Variants in TSC22D1 observed in about 807,000 individuals in gnomAD.
The protein encoded by TSC22D1 is TSC22 domain family protein 1.
TSC22D1 carries 9 observed loss-of-function variants against 74.2 expected under a neutral mutation model. The ratio of observed to expected loss-of-function variants is 0.12; its 90% confidence interval spans 0.07 to 0.21. The LOEUF is 0.21. Ranked by LOEUF, TSC22D1 falls within the 10% of genes least tolerant of loss-of-function variation. The pLI is 1.00. For missense variants in TSC22D1, 1,427 were observed against 1,304.7 expected (o/e 1.09, Z -1.44); for synonymous variants, 586 against 492.5 (o/e 1.19, Z -2.51).
intron 1 of TSC22D1, among the ~76,000 whole-genome samples, chr13:44,514,934 T>C (rs1055671676): frequency 2.0e-5 from 3 of 152,120 alleles, no homozygotes; most frequent in Admixed American, 6.5e-5. Flanking sequence ...TACTCTGAGA[T>C]ACAGTATTAA....
intron 1 of TSC22D1, among the ~76,000 whole-genome samples, chr13:44,556,792 C>T (rs1882669929): frequency 6.6e-6 from 1 of 151,416 alleles, no homozygotes; most frequent in South Asian, 2.1e-4. Context: ...TTTAAACCCA[C>T]AAGGCGGAGG....
intron 1 of TSC22D1, among the ~76,000 whole-genome samples, chr13:44,459,270 G>A (rs887503192): frequency 3.3e-5 from 5 of 152,152 alleles, no homozygotes; most frequent in African/African-American, 1.2e-4. Context: ...ACCTGCCTGT[G>A]GAAAGGAGCT....
At chr13:44,455,976 G>A (rs1356185921) in intron 1 of TSC22D1, among the ~76,000 whole-genome samples, 4 of 152,174 alleles carry the variant, frequency 2.6e-5, no homozygotes, top group African/African-American at 9.7e-5. Context: ...ATGCAGTAAA[G>A]AACTCAATAC....
At chr13:44,480,953 A>G (rs1214676918) in intron 1 of TSC22D1, among the ~76,000 whole-genome samples, 2 of 152,170 alleles carry the variant, frequency 1.3e-5, no homozygotes, top group Non-Finnish European at 2.9e-5. Context: ...CCACAGATAA[A>G]TTGGGTCGCT....
At chr13:44,442,016 A>G (rs1351484459) in intron 1 of TSC22D1, among the ~76,000 whole-genome samples, 2 of 152,304 alleles carry the variant, frequency 1.3e-5, no homozygotes, top group African/African-American at 4.8e-5. Flanking sequence ...GTAAAAAGGG[A>G]TATCAGATAT....
intron 1 of TSC22D1, chr13:44,436,852 T>C (rs888326454): frequency 1.0e-5 from 13 of 1,287,660 alleles, no homozygotes; most frequent in Non-Finnish European, 1.3e-5. Flanking sequence ...TCCACTCAGC[T>C]CTAGACCAGG....
chr13:44,466,796 T>C (rs546936841), intron 1 of TSC22D1, among the ~76,000 whole-genome samples: 3 of 151,144 alleles, frequency 2.0e-5, no homozygotes, highest in South Asian at 2.1e-4. Flanking sequence ...GAAAACAATA[T>C]ATAGATTCCT....
At chr13:44,492,068 T>C (rs1878752682) in intron 1 of TSC22D1, among the ~76,000 whole-genome samples, 1 of 152,208 alleles carries the variant, frequency 6.6e-6, no homozygotes, top group South Asian at 2.1e-4. Context: ...TTGTGGTACA[T>C]TCACGTCTAA....
chr13:44,574,023 A>G lies in TSC22D1; in HGVS notation c.2052T>C (p.Ile684=). The part of the protein sequence containing the change: ...SAGVGAGTTV[I]PVAQPQGIQL... Reference sequence around the variant, plus strand: ...GGATACCCTGTGGCTGAGCCACAGGAATCACTGTTGTTCCTGCTCCTACTC... The same window carrying G: ...GGATACCCTGTGGCTGAGCCACAGGGATCACTGTTGTTCCTGCTCCTACTC... The change falls in exon 1 of 3, where the codon ATT becomes ATC. Residue 684 remains isoleucine, a synonymous_variant. Transcript: ENST00000458659. 2 of 1,614,048 alleles carry G rather than the reference A, an allele frequency of 1.2e-6. No individual in the cohort carries two copies. Among genetic ancestry groups the G allele is most frequent in the Non-Finnish European group, 1.7e-6 (2 of 1,180,032 alleles).
intron 1 of TSC22D1, among the ~76,000 whole-genome samples, chr13:44,520,792 C>G (rs1880278192): frequency 6.6e-6 from 1 of 151,982 alleles, no homozygotes; most frequent in Non-Finnish European, 1.5e-5. Flanking sequence ...ATGAAGTATC[C>G]ACTGAAAAAG....
intron 1 of TSC22D1, among the ~76,000 whole-genome samples, chr13:44,551,341 GAC>G (rs1882235612): frequency 6.7e-6 from 1 of 148,974 alleles, no homozygotes. Flanking sequence ...GTGTGTGTGT[GAC>G]CCTGTCTCAA....
In TSC22D1 at chr13:44,548,676, A is replaced by C. The variant is rs531311602; in HGVS notation, c.2912+24487T>G. Among the ~76,000 whole-genome samples the C allele has an allele frequency of 1.5e-3, 232 of 152,316 alleles. 3 individuals carry two copies. The highest frequency in any genetic ancestry group is 5.2e-3 in the African/African-American group (216 of 41,582). On this transcript the variant is annotated intron_variant, in intron 1 of 2. Coordinates refer to ENST00000458659, the MANE Select transcript of TSC22D1 (RefSeq NM_183422.4). ...TAGCAAAATTTAACAACTTAATACC[A>C]GCAAGATAATCTAGGAAAAGATGTT...
chr13:44,573,938 C>G lies in TSC22D1; in HGVS notation c.2137G>C (p.Val713Leu), dbSNP rs1453633015. Residue 713 changes from valine to leucine, a missense_variant, in exon 1 of 3, where the codon GTT becomes CTT. Val to Leu is a conservative substitution (Grantham distance 32). Around this residue, in one of 3 missense-constraint regions of TSC22D1, gnomAD observed 1,343 missense variants for 1,191.5 expected, o/e 1.13. Transcript: ENST00000458659. The part of the protein sequence containing the change: ...AQPAGASVQP[V>L]GQAPAAVSAV... ...GACACTGCTGCCGGAGCCTGGCCAA[C>G]AGGCTGGACAGATGCCCCTGCAGGT... 2 of 1,614,172 alleles carry G rather than the reference C, an allele frequency of 1.2e-6. No individual in the cohort carries two copies. Among genetic ancestry groups the G allele is most frequent in the East Asian group, 2.2e-5 (1 of 44,894 alleles).
At chr13:44,456,395 T>C (rs1294171671) in intron 1 of TSC22D1, among the ~76,000 whole-genome samples, 3 of 152,210 alleles carry the variant, frequency 2.0e-5, no homozygotes, top group Non-Finnish European at 2.9e-5. Flanking sequence ...AGAGTGCTGA[T>C]TGGTGCGTTT....
intron 1 of TSC22D1, among the ~76,000 whole-genome samples, chr13:44,445,131 GACT>G (rs1303660654): frequency 1.3e-5 from 2 of 151,684 alleles, no homozygotes; most frequent in African/African-American, 4.8e-5. Flanking sequence ...AAAAACTACA[GACT>G]AATAACTACT....
chr13:44,517,831 A>ATG (rs1566149832), intron 1 of TSC22D1, among the ~76,000 whole-genome samples: 3 of 14,458 alleles, frequency 2.1e-4, no homozygotes, highest in South Asian at 2.9e-3. Context: ...GTGTGTGTGT[A>ATG]TATATATATA....
chr13:44,575,751 TTTC>T lies in TSC22D1; in HGVS notation c.321_323del (p.Lys108del). 1 of 1,614,168 alleles carries T rather than the reference TTTC, an allele frequency of 6.2e-7. No homozygotes were observed. The highest frequency in any genetic ancestry group is 8.5e-7 in the Non-Finnish European group (1 of 1,180,032). On this transcript the variant is annotated inframe_deletion, in exon 1 of 3. Transcript: ENST00000458659. ...TAACGCTAGTTATCTGGAAGCCACT[TTTC>T]TTTTTCATTTGAGTTCCGCCTGGCG... is the stretch of plus-strand genomic sequence containing the variant.
chr13:44,559,197 A>T (rs1249959415), intron 1 of TSC22D1, among the ~76,000 whole-genome samples: 1 of 152,232 alleles, frequency 6.6e-6, no homozygotes, highest in South Asian at 2.1e-4. Context: ...ACCTTTTAAA[A>T]GAGGAAGAAA....
At chr13:44,561,834 G>T (rs1883058088) in intron 1 of TSC22D1, among the ~76,000 whole-genome samples, 1 of 152,018 alleles carries the variant, frequency 6.6e-6, no homozygotes, top group African/African-American at 2.4e-5. Context: ...TTGAAGTAAA[G>T]GACCAAAAAT....
Sources: allele counts gnomAD v4.1 joint callset (sites outside exome capture counted in the v4.1 genomes callset), GRCh38; gene constraint gnomAD v4.1.1; regional missense constraint gnomAD v4.1.1; transcripts MANE v1.5; gene names NCBI Gene and HGNC (gene_info 2026-07-23, HGNC 2026-07-21).